GPRASP1: variants seen among roughly 807,000 people sequenced by gnomAD.
GPRASP1 encodes G protein-coupled receptor-associated sorting protein 1.
GPRASP1 carries 28 observed loss-of-function variants against 68.4 expected under a neutral mutation model. The ratio of observed to expected loss-of-function variants is 0.41; its 90% CI spans 0.30 to 0.56. GPRASP1 has a LOEUF of 0.56. Ranked by LOEUF, GPRASP1 falls within the 20% of genes least tolerant of loss-of-function variation. The pLI is 0.29. For synonymous variants in GPRASP1, 304 were observed against 358.2 expected, an observed-to-expected ratio of 0.85 and a Z score of 1.71; for missense variants, 913 against 1,031.5, an observed-to-expected ratio of 0.89 and a Z score of 1.57.
In GPRASP1 at chrX:102,654,318, G is replaced by T; in HGVS notation, c.405G>T (p.Leu135=). The T allele has an allele frequency of 8.3e-7, 1 of 1,211,356 alleles. No homozygotes were observed. Among genetic ancestry groups the T allele is most frequent in the Non-Finnish European group, 1.1e-6 (1 of 895,052 alleles). Residue 135 remains leucine (L), a synonymous_variant, in exon 6 of 6, where the codon CTG becomes CTT. Coordinates refer to ENST00000537097, the MANE Select transcript of GPRASP1 (RefSeq NM_001184727.2). ...DSVLVAKTKY[L]SEDRELVNTD... ...TCTTGGTTGCTAAAACAAAGTACCT[G>T]TCTGAGGATAGAGAACTGGTTAATA...
rs1451655670 is a variant in GPRASP1, at chrX:102,659,000, A to G, written c.*899A>G. 8.1e-6 allele frequency: 1 copy of G among 123,084 alleles called. No individual in the cohort carries two copies. Among genetic ancestry groups the G allele is most frequent in the Non-Finnish European group, 1.9e-5 (1 of 53,248 alleles). The allele number at this position is 123,084 out of a possible 1,213,427, so 10.1% of individuals were successfully genotyped here. A position where few individuals can be genotyped will look rare whatever the true frequency, so the allele number is the denominator to read the frequency against. ...TTTAGGAAAAGCCCTGACATTTTTGATATTTCATATAATAGAGAACACTGG... is the reference window on the plus strand; with the variant it reads ...TTTAGGAAAAGCCCTGACATTTTTGGTATTTCATATAATAGAGAACACTGG... On this transcript the variant is annotated 3_prime_UTR_variant, in exon 6 of 6. Transcript: ENST00000537097.
rs1271539034 is a variant in GPRASP1 at position 102,653,870 on chromosome X, C to A, written c.-44C>A. Reference sequence around the variant, plus strand: ...GACAGATCTGTGGTTGAGGTTTAGACTGGGGGAGGAGTATAGTACTGGACT... The same window carrying A: ...GACAGATCTGTGGTTGAGGTTTAGAATGGGGGAGGAGTATAGTACTGGACT... On this transcript the variant is annotated 5_prime_UTR_variant, in exon 6 of 6. In the 5' UTR this introduces an upstream ATG that the reference lacks. Transcript: ENST00000537097. 9.7e-7 allele frequency: 1 copy of A among 1,026,345 alleles called. No individual in the cohort carries two copies. The allele number at this position is 1,026,345 out of a possible 1,213,427, so 84.6% of individuals were successfully genotyped here. A position where few individuals can be genotyped will look rare whatever the true frequency, so the allele number is the denominator to read the frequency against.
In GPRASP1 at chrX:102,654,489, C is replaced by T; in HGVS notation, c.576C>T (p.Phe192=). The T allele has an allele frequency of 3.3e-6, 4 of 1,210,771 alleles. No homozygotes were observed. The highest frequency in any genetic ancestry group is 4.5e-6 in the Non-Finnish European group (4 of 894,655). ...SKQEASPNSD[F]KWVDKSVSSL... ...AAGAAGCCTCTCCTAATTCTGATTT[C>T]AAATGGGTAGACAAATCTGTGAGTT... The change falls in exon 6 of 6, where the codon TTC becomes TTT. Residue 192 remains phenylalanine (F), a synonymous_variant. Transcript: ENST00000537097.
rs1229124732 is a variant in GPRASP1 at position 102,657,260 on chromosome X, A to T, written c.3347A>T (p.Asp1116Val). 8.3e-7 allele frequency: 1 copy of T among 1,208,128 alleles called. No homozygotes were observed. Among genetic ancestry groups the T allele is most frequent in the African/African-American group, 1.8e-5 (1 of 57,061 alleles). Residue 1116 changes from aspartate to valine, a missense_variant, in exon 6 of 6, where the codon GAT becomes GTT. Transcript: ENST00000537097. ...AGTCCTGAGTTCCCATTTCAGTATG[A>T]TCCTTCCTACAGGTCAGTCCAGGAA... Reference protein sequence around the residue: ...QPSPEFPFQYDPSYRSVQEIR... With the variant: ...QPSPEFPFQYVPSYRSVQEIR...
At position 102,653,891 on chromosome X, in the gene GPRASP1, G is replaced by T. The variant is rs759796846; in HGVS notation, c.-23G>T. 2 of 1,163,652 alleles carry T rather than the reference G, an allele frequency of 1.7e-6. No individual in the cohort carries two copies. Among genetic ancestry groups the T allele is most frequent in the Non-Finnish European group, 2.3e-6 (2 of 855,798 alleles). ...TAGACTGGGGGAGGAGTATAGTACT[G>T]GACTTTCTTTGTAACTTGTACCATG... On this transcript the variant is annotated 5_prime_UTR_variant, in exon 6 of 6. Transcript: ENST00000537097.
Position 102,654,320 on chromosome X carries a change from C to T in GPRASP1, c.407C>T (p.Ser136Phe), listed in dbSNP as rs750370872. Residue 136 changes from serine to phenylalanine, a missense_variant, in exon 6 of 6, where the codon TCT (serine) becomes TTT (phenylalanine). Physicochemically the swap from Ser to Phe is radical, Grantham distance 155. Coordinates refer to ENST00000537097, the MANE Select transcript of GPRASP1 (RefSeq NM_001184727.2). ...TTGGTTGCTAAAACAAAGTACCTGT[C>T]TGAGGATAGAGAACTGGTTAATACA... ...SVLVAKTKYL[S>F]EDRELVNTDT... The T allele has an allele frequency of 4.1e-6, 5 of 1,211,147 alleles. No individual in the cohort carries two copies. In the South Asian group the frequency reaches 8.8e-5, roughly 21 times the overall value.
In GPRASP1 at chrX:102,653,873, G is replaced by C. The variant is rs1414414578; in HGVS notation, c.-41G>C. 4 of 1,044,607 alleles carry C rather than the reference G, an allele frequency of 3.8e-6. No individual in the cohort carries two copies. Among genetic ancestry groups the C allele is most frequent in the East Asian group, 3.0e-5 (1 of 32,919 alleles). 86.1% of individuals were successfully genotyped at this position (1,044,607 alleles called of 1,213,427 possible). ...AGATCTGTGGTTGAGGTTTAGACTG[G>C]GGGAGGAGTATAGTACTGGACTTTC... On this transcript the variant is annotated 5_prime_UTR_variant, in exon 6 of 6. Coordinates refer to ENST00000537097, the MANE Select transcript of GPRASP1 (RefSeq NM_001184727.2).
Position 102,655,907 on chromosome X carries a change from T to C in GPRASP1, c.1994T>C (p.Met665Thr), listed in dbSNP as rs1462446870. Residue 665 changes from methionine to threonine, a missense_variant, in exon 6 of 6, where the codon ATG (methionine) becomes ACG (threonine). By Grantham distance (81) the Met-to-Thr change is moderately conservative. Transcript: ENST00000537097. ...KHGTGVRCRF[M>T]AGAEETNNKS... ...GGGACTGGTGTCAGATGCAGATTTATGGCAGGGGCTGAGGAGACCAATAAT... is the reference window on the plus strand; with the variant it reads ...GGGACTGGTGTCAGATGCAGATTTACGGCAGGGGCTGAGGAGACCAATAAT... 8.3e-7 allele frequency: 1 copy of C among 1,209,613 alleles called. No homozygotes were observed. Among genetic ancestry groups the C allele is most frequent in the Non-Finnish European group, 1.1e-6 (1 of 895,009 alleles).
chrX:102,656,732 G>A lies in GPRASP1; in HGVS notation c.2819G>A (p.Trp940Ter). The A allele has an allele frequency of 8.3e-7, 1 of 1,211,452 alleles. No homozygotes were observed. Among genetic ancestry groups the A allele is most frequent in the Non-Finnish European group, 1.1e-6 (1 of 895,195 alleles). The change falls in exon 6 of 6, where the codon TGG (tryptophan) becomes TAG (stop). Residue 940 changes from tryptophan to a stop codon, truncating the protein, a stop_gained. Coordinates refer to ENST00000537097, the MANE Select transcript of GPRASP1 (RefSeq NM_001184727.2). LOFTEE classifies it high-confidence loss of function. ...GATGAAGAGATGATTGTTGAGTCCT[G>A]GTTCTGGTCTAGAGACAAAGCCATT... ...EDDEEMIVES[W>*]FWSRDKAIKE... is the part of the protein sequence containing the mutation.
At position 102,654,993 on chromosome X, in the gene GPRASP1, A is replaced by G. The variant is rs1424390244; in HGVS notation, c.1080A>G (p.Glu360=). 8.3e-7 allele frequency: 1 copy of G among 1,211,461 alleles called. No homozygotes were observed. Among genetic ancestry groups the G allele is most frequent in the Admixed American group, 2.2e-5 (1 of 46,134 alleles). The change falls in exon 6 of 6, where the codon GAA becomes GAG. Residue 360 remains glutamate, a synonymous_variant. Transcript: ENST00000537097. ...VIKKESCFWP[E]ENANTFSRPM... The stretch of plus-strand genomic sequence containing the variant: ...AAAAAGAGTCCTGTTTCTGGCCTGA[A>G]GAAAATGCTAATACCTTTTCAAGGC...
chrX:102,656,450 G>C lies in GPRASP1; in HGVS notation c.2537G>C (p.Trp846Ser), dbSNP rs1358912097. ...AEEEEVIIGS[W>S]FWEEEASPEA... ...GAGGAAGAAGTCATTATTGGGTCCT[G>C]GTTCTGGGAAGAAGAGGCCAGTCCG... Residue 846 changes from tryptophan (W) to serine (S), a missense_variant, in exon 6 of 6, where the codon TGG (tryptophan) becomes TCG (serine). Coordinates refer to ENST00000537097, the MANE Select transcript of GPRASP1 (RefSeq NM_001184727.2). The C allele has an allele frequency of 3.3e-6, 4 of 1,209,450 alleles. No individual in the cohort carries two copies. Among genetic ancestry groups the C allele is most frequent in the African/African-American group, 3.5e-5 (2 of 56,986 alleles).
At position 102,656,590 on chromosome X, in the gene GPRASP1, G is replaced by A; in HGVS notation, c.2677G>A (p.Ala893Thr). 2 of 1,210,273 alleles carry A rather than the reference G, an allele frequency of 1.7e-6. No individual in the cohort carries two copies. The highest frequency in any genetic ancestry group is 2.2e-6 in the Non-Finnish European group (2 of 894,884). ...EEASIQAGSQ[A>T]VEEMESETEE... is the part of the protein sequence containing the mutation. ...AGCCAGTATACAGGCTGGATCTCAG[G>A]CAGTAGAGGAAATGGAGTCAGAGAC... The change falls in exon 6 of 6, where the codon GCA becomes ACA. Residue 893 changes from alanine to threonine, a missense_variant. Physicochemically the swap from Ala to Thr is moderately conservative, Grantham distance 58. Transcript: ENST00000537097.
Position 102,653,994 on chromosome X carries a change from G to C in GPRASP1, c.81G>C (p.Glu27Asp). 8.3e-7 allele frequency: 1 copy of C among 1,211,325 alleles called. No individual in the cohort carries two copies. The highest frequency in any genetic ancestry group is 1.1e-6 in the Non-Finnish European group (1 of 894,831). ...GGGAAGAGGTTGTAGGTGGGGCTGA[G>C]ATAGAGAATGATGTCCCTCTGGTGG... ...KPGEEVVGGAEIENDVPLVVR... is the reference protein window; with the variant it reads ...KPGEEVVGGADIENDVPLVVR... The change falls in exon 6 of 6, where the codon GAG becomes GAC. Residue 27 changes from glutamate (E) to aspartate (D), a missense_variant. Glu to Asp is a conservative substitution (Grantham distance 45). Coordinates refer to ENST00000537097, the MANE Select transcript of GPRASP1 (RefSeq NM_001184727.2).
rs1211503135 is a variant in GPRASP1 at position 102,658,687 on chromosome X, T to C, written c.*586T>C. The stretch of plus-strand genomic sequence containing the variant: ...GGTGGTGTAAAAAAAAAAAAAAGCA[T>C]GGAGTTAGGAAAAATTTTCCTATGG... On this transcript the variant is annotated 3_prime_UTR_variant, in exon 6 of 6. Transcript: ENST00000537097. 1.7e-5 allele frequency: 2 copies of C among 117,247 alleles called. No individual in the cohort carries two copies. The highest frequency in any genetic ancestry group is 3.9e-5 in the Non-Finnish European group (2 of 51,861). 9.7% of individuals were successfully genotyped at this position (117,247 alleles called of 1,213,427 possible). A position where few individuals can be genotyped will look rare whatever the true frequency, so the allele number is the denominator to read the frequency against.
chrX:102,658,055 G>C lies in GPRASP1; in HGVS notation c.4142G>C (p.Gly1381Ala), dbSNP rs1407033396. 2.5e-6 allele frequency: 3 copies of C among 1,182,595 alleles called. No homozygotes were observed. The highest frequency in any genetic ancestry group is 3.4e-6 in the Non-Finnish European group (3 of 875,465). The change falls in exon 6 of 6, where the codon GGC becomes GCC. Residue 1381 changes from glycine (G) to alanine (A), a missense_variant. Physicochemically the swap from Gly to Ala is moderately conservative, Grantham distance 60. Coordinates refer to ENST00000537097, the MANE Select transcript of GPRASP1 (RefSeq NM_001184727.2). The part of the protein sequence containing the change: ...KVEKFAKELQ[G>A]KTDNQNDPEG... ...GAGAAATTTGCTAAGGAACTGCAAG[G>C]CAAAACAGACAATCAAAATGACCCT...
Position 102,656,821 on chromosome X carries a change from G to C in GPRASP1, c.2908G>C (p.Gly970Arg). 1 of 1,211,340 alleles carries C rather than the reference G, an allele frequency of 8.3e-7. No individual in the cohort carries two copies. Among genetic ancestry groups the C allele is most frequent in the South Asian group, 1.8e-5 (1 of 56,969 alleles). ...KPENEEGAIV[G>R]SWFEAEDEVD... ...AGAAAATGAGGAAGGGGCCATTGTT[G>C]GGTCTTGGTTTGAGGCTGAAGATGA... Residue 970 changes from glycine (G) to arginine (R), a missense_variant, in exon 6 of 6, where the codon GGG (glycine) becomes CGG (arginine). Physicochemically the swap from Gly to Arg is moderately radical, Grantham distance 125. Coordinates refer to ENST00000537097, the MANE Select transcript of GPRASP1 (RefSeq NM_001184727.2).
At chrX:102,652,566 G>A (rs2060678137) in intron 3 of GPRASP1, among the ~76,000 whole-genome samples, 1 of 113,364 alleles carries the variant, frequency 8.8e-6, no homozygotes, top group Non-Finnish European at 1.9e-5. Context: ...GCAGAGCAAG[G>A]GGATGTGGCG....
Position 102,657,533 on chromosome X carries a change from A to C in GPRASP1, c.3620A>C (p.Tyr1207Ser), listed in dbSNP as rs746962225. 1 of 1,210,584 alleles carries C rather than the reference A, an allele frequency of 8.3e-7. No individual in the cohort carries two copies. The highest frequency in any genetic ancestry group is 3.0e-5 in the East Asian group (1 of 33,797). The stretch of plus-strand genomic sequence containing the variant: ...TCACTTATTGAAACCTTGCTTAATT[A>C]TCCGTCCTCCCGAGTTAGAACAAGT... ...VVSLIETLLN[Y>S]PSSRVRTSFL... Residue 1207 changes from tyrosine (Y) to serine (S), a missense_variant, in exon 6 of 6, where the codon TAT becomes TCT. Transcript: ENST00000537097.
In GPRASP1 at chrX:102,656,568, C is replaced by T; in HGVS notation, c.2655C>T (p.Ala885=). The T allele has an allele frequency of 1.7e-6, 2 of 1,210,327 alleles. No individual in the cohort carries two copies. Among genetic ancestry groups the T allele is most frequent in the Non-Finnish European group, 1.1e-6 (1 of 894,667 alleles). The stretch of plus-strand genomic sequence containing the variant: ...CCTGGTTCTGGCCTGAAGAAGAAGC[C>T]AGTATACAGGCTGGATCTCAGGCAG... The part of the protein sequence containing the change: ...VGSWFWPEEE[A]SIQAGSQAVE... Residue 885 remains alanine (A), a synonymous_variant, in exon 6 of 6, where the codon GCC becomes GCT. Transcript: ENST00000537097.
Sources: gnomAD v4.1 joint callset for allele counts (sites outside exome capture counted in the v4.1 genomes callset) on GRCh38, gnomAD v4.1.1 for gene constraint, MANE v1.5 for transcripts, NCBI Gene and HGNC (gene_info 2026-07-23, HGNC 2026-07-21) for gene names.